KLF17: variants seen among roughly 807,000 people sequenced by gnomAD.
KLF17 encodes Krueppel-like factor 17.
KLF17 carries 31 observed loss-of-function variants against 34.2 expected under a neutral mutation model. That is an observed-to-expected ratio of 0.91 (90% CI 0.68 to 1.22). KLF17 has a LOEUF of 1.22. Ranked by LOEUF, KLF17 falls within the 50% of genes most tolerant of loss-of-function variation. The probability of loss-of-function intolerance (pLI) is 0.00; values close to 1 mark genes in which losing one functional copy is unlikely to be tolerated. For synonymous variants in KLF17, 179 were observed against 186.7 expected (o/e 0.96, Z 0.34); for missense variants, 478 against 505.2 (o/e 0.95, Z 0.52).
chr1:44,088,600 G>C, the KLF17 span: 1 of 152,226 alleles, frequency 6.6e-6, no homozygotes, highest in South Asian at 2.1e-4. Context: ...AGGGACACTA[G>C]TCCTATGCGA....
At chr1:44,094,886 AT>A in the KLF17 span, among the ~76,000 whole-genome samples, 1 of 149,096 alleles carries the variant, frequency 6.7e-6, no homozygotes, top group Non-Finnish European at 1.5e-5. Context: ...GAAAAATGTC[AT>A]TTTATTTTTT....
the KLF17 span, among the ~76,000 whole-genome samples, chr1:44,071,915 C>T: frequency 6.6e-6 from 1 of 152,042 alleles, no homozygotes; most frequent in Non-Finnish European, 1.5e-5. Flanking sequence ...TTCCCCTCCA[C>T]CCCCATCACA....
chr1:44,065,599 G>A, the KLF17 span, among the ~76,000 whole-genome samples: 25 of 151,636 alleles, frequency 1.6e-4, no homozygotes, highest in East Asian at 5.9e-4. Flanking sequence ...TAGTAGAGAC[G>A]GGGTTTCACC....
At chr1:44,130,969 GT>G (rs2088102596) in intron 3 of KLF17, among the ~76,000 whole-genome samples, 1 of 152,022 alleles carries the variant, frequency 6.6e-6, no homozygotes, top group Admixed American at 6.6e-5. Context: ...GTAATTTTTT[GT>G]ATTTTTAGTA....
chr1:44,113,984 G>C (rs1367608906), upstream of KLF17: 1 of 152,336 alleles, frequency 6.6e-6, no homozygotes, highest in Admixed American at 6.5e-5. Context: ...CCCAGGCCTA[G>C]GTGTGTGTCT....
intron 1 of KLF17, among the ~76,000 whole-genome samples, chr1:44,127,639 C>CTTTTCTTTTCTTTTCTTTTCTT (rs1553171634): frequency 3.9e-5 from 3 of 77,428 alleles, no homozygotes; most frequent in Non-Finnish European, 5.2e-5. Context: ...CTTTTCTTTC[C>CTTTTCTTTTCTTTTCTTTTCTT]TTCTTTCTTT....
At chr1:44,049,393 T>A in the KLF17 span, among the ~76,000 whole-genome samples, 1 of 152,184 alleles carries the variant, frequency 6.6e-6, no homozygotes, top group East Asian at 1.9e-4. Flanking sequence ...ATCCCAGCCC[T>A]CTGCCCTCCC....
chr1:44,046,541 A>T, the KLF17 span, among the ~76,000 whole-genome samples: 3 of 138,564 alleles, frequency 2.2e-5, no homozygotes, highest in South Asian at 4.5e-4. Context: ...ACACACACTC[A>T]CACACACACA....
At chr1:44,104,344 T>G in the KLF17 span, 27 of 1,207,246 alleles carry the variant, frequency 2.2e-5, no homozygotes, top group South Asian at 2.8e-4. Flanking sequence ...AGGTTGTTGA[T>G]GTAGCTCTGG....
chr1:44,123,488 T>A (rs1162189116), intron 1 of KLF17, among the ~76,000 whole-genome samples: 2 of 152,214 alleles, frequency 1.3e-5, no homozygotes, highest in Admixed American at 1.3e-4. Flanking sequence ...ATTTCTCATG[T>A]TCAATCATTT....
At chr1:44,071,795 G>C in the KLF17 span, among the ~76,000 whole-genome samples, 1 of 152,028 alleles carries the variant, frequency 6.6e-6, no homozygotes, top group African/African-American at 2.4e-5. Flanking sequence ...CAAGCTCCTA[G>C]GGTGGCATTC....
At chr1:44,051,889 T>C in the KLF17 span, among the ~76,000 whole-genome samples, 1 of 152,088 alleles carries the variant, frequency 6.6e-6, no homozygotes, top group African/African-American at 2.4e-5. Flanking sequence ...AGGGGACCCT[T>C]GTTGGCTGAA....
the KLF17 span, among the ~76,000 whole-genome samples, chr1:44,113,487 C>T: frequency 6.6e-6 from 1 of 152,030 alleles, no homozygotes; most frequent in African/African-American, 2.4e-5. Flanking sequence ...TATGGGTAAC[C>T]CGGGGCAGTG....
the KLF17 span, among the ~76,000 whole-genome samples, chr1:44,056,070 C>A: frequency 2.6e-5 from 4 of 152,216 alleles, no homozygotes; most frequent in African/African-American, 9.6e-5. Context: ...GACTCTCATG[C>A]CGCATCTCAG....
At chr1:44,054,213 A>G in the KLF17 span, among the ~76,000 whole-genome samples, 3 of 152,194 alleles carry the variant, frequency 2.0e-5, no homozygotes, top group Non-Finnish European at 4.4e-5. Flanking sequence ...TGACATCAGG[A>G]GGAAGCTACA....
the KLF17 span, among the ~76,000 whole-genome samples, chr1:44,046,986 C>T: frequency 1.4e-5 from 2 of 143,398 alleles, no homozygotes; most frequent in Admixed American, 1.4e-4. Context: ...GAGATCGTGC[C>T]ACTGCACTCC....
At chr1:44,118,736 C>A (rs2087908601), upstream of KLF17, 2 of 443,180 alleles carry the variant, frequency 4.5e-6, no homozygotes. Flanking sequence ...GGCAGGGCTG[C>A]GAGGGCGGCG....
At chr1:44,082,154 C>A in the KLF17 span, among the ~76,000 whole-genome samples, 1 of 152,070 alleles carries the variant, frequency 6.6e-6, no homozygotes, top group Admixed American at 6.6e-5. Context: ...TAAGCCAGAC[C>A]AATTCCTTAG....
chr1:44,106,175 T>G, the KLF17 span, among the ~76,000 whole-genome samples: 1 of 152,020 alleles, frequency 6.6e-6, no homozygotes, highest in Non-Finnish European at 1.5e-5. Flanking sequence ...CACTCCTATC[T>G]CCATACTGGT....
Sources: gnomAD v4.1 joint callset for allele counts (sites outside exome capture counted in the v4.1 genomes callset) on GRCh38, gnomAD v4.1.1 for gene constraint, MANE v1.5 for transcripts, NCBI Gene and HGNC (gene_info 2026-07-23, HGNC 2026-07-21) for gene names.